The following RNASEH1 variants were observed in gnomAD, a reference collection of about 807,000 sequenced individuals.
The protein encoded by RNASEH1 is ribonuclease H type II.
RNASEH1 carries 27 observed loss-of-function variants against 34.6 expected under a neutral mutation model. That is an observed-to-expected ratio of 0.78 (90% CI 0.58 to 1.08). RNASEH1 has a LOEUF of 1.08. Among genes scored for constraint, RNASEH1 ranks in the 50% least tolerant of loss-of-function variants. The pLI, the probability that RNASEH1 is intolerant of heterozygous loss-of-function variation, is 0.00. For synonymous variants in RNASEH1, 162 were observed against 138.4 expected (o/e 1.17, Z -1.20); for missense variants, 349 against 373.6 (o/e 0.93, Z 0.54).
chr2:3,552,506 C>A (rs1472148548), intron 2 of RNASEH1, among the ~76,000 whole-genome samples, 198 bp from the exon 3 acceptor site: 2 of 128,142 alleles, frequency 1.6e-5, no homozygotes, highest in African/African-American at 6.7e-5. Context: ...ATCTCCACCC[C>A]CTCCACACCA....
chr2:3,545,078 G>C lies in RNASEH1; in HGVS notation c.*707C>G, dbSNP rs1668615529. The C allele has an allele frequency of 6.8e-6, 1 of 147,452 alleles. No individual in the cohort carries two copies. The highest frequency in any genetic ancestry group is 6.9e-5 in the Admixed American group (1 of 14,420). 9.1% of individuals were successfully genotyped at this position (147,452 alleles called of 1,614,324 possible). A position where few individuals can be genotyped will look rare whatever the true frequency, so the allele number is the denominator to read the frequency against. Reference sequence around the variant, plus strand: ...AAGTGAGCCACTGTGCCCAGCCGGTGTCTTACTTTTTTTTTTTTTTTTTTA... The same window carrying C: ...AAGTGAGCCACTGTGCCCAGCCGGTCTCTTACTTTTTTTTTTTTTTTTTTA... On this transcript the variant is annotated 3_prime_UTR_variant, in exon 8 of 8. Transcript: ENST00000315212.
the RNASEH1 span, among the ~76,000 whole-genome samples, chr2:3,535,559 T>C: frequency 1.3e-5 from 2 of 151,872 alleles, no homozygotes; most frequent in African/African-American, 4.8e-5. Flanking sequence ...GCAAAGCCCC[T>C]GAGGCAGGAG....
rs758512883 is a variant in RNASEH1, at chr2:3,558,099, G to A, written c.128+34C>T. 2.9e-4 allele frequency: 454 copies of A among 1,565,900 alleles called. 1 individual carries two copies. Among genetic ancestry groups the A allele is most frequent in the Non-Finnish European group, 3.7e-4 (425 of 1,159,220 alleles). ...TCCGGCCTCCCTCGACCCCGATGCC[G>A]GCAGGGAGGCGCCTCGGCGGGCGGG... On this transcript the variant is annotated intron_variant, in intron 1 of 7. Coordinates refer to ENST00000315212, the MANE Select transcript of RNASEH1 (RefSeq NM_002936.6).
rs138292342 is a variant in RNASEH1, at chr2:3,552,267, T to A, written c.286A>T (p.Ser96Cys). 1,334 of 1,614,144 alleles carry A rather than the reference T, an allele frequency of 8.3e-4. 1 individual carries two copies. Among genetic ancestry groups the A allele is most frequent in the Middle Eastern group, 3.0e-3 (18 of 6,038 alleles). ...TCCAGTGGCTCACGGAGTCGCTTGCTGGCTTTCGCCTCCGATTCTTGTCCA... is the reference window on the plus strand; with the variant it reads ...TCCAGTGGCTCACGGAGTCGCTTGCAGGCTTTCGCCTCCGATTCTTGTCCA... Reference protein sequence around the residue: ...QHGQESEAKASKRLREPLDGD... With the variant: ...QHGQESEAKACKRLREPLDGD... The change falls in exon 3 of 8, where the codon AGC becomes TGC. Residue 96 changes from serine (S) to cysteine (C), a missense_variant. Physicochemically the swap from Ser to Cys is moderately radical, Grantham distance 112 (BLOSUM62 -1). This residue lies in a region of RNASEH1 where 256 missense variants were observed against 240.7 expected (regional missense o/e 1.06). Transcript: ENST00000315212.
At position 3,552,378 on chromosome 2, in the gene RNASEH1, A is replaced by T. The variant is rs974157841; in HGVS notation, c.245-70T>A. The T allele has an allele frequency of 2.1e-6, 3 of 1,425,440 alleles. No individual in the cohort carries two copies. In the African/African-American group the frequency reaches 4.3e-5, roughly 20 times the overall value. The allele number at this position is 1,425,440 out of a possible 1,614,324, so 88.3% of individuals were successfully genotyped here. The stretch of plus-strand genomic sequence containing the variant: ...ACACGAAATGCTAGAGAATGAAGAC[A>T]TTCAGTAAATTATTTAGTATCATTA... On this transcript the variant is annotated intron_variant, in intron 2 of 7. Transcript: ENST00000315212.
Position 3,542,399 on chromosome 2 carries a change from T to C in RNASEH1, c.*3386A>G, listed in dbSNP as rs1668377413. ...AAAACAAGATTCATCAGGCTTTTCA[T>C]GCATCACTTTATGCTGGAAGAAAAC... On this transcript the variant is annotated 3_prime_UTR_variant, in exon 8 of 8. Coordinates refer to ENST00000315212, the MANE Select transcript of RNASEH1 (RefSeq NM_002936.6). 6.6e-6 allele frequency among the ~76,000 whole-genome samples: 1 copy of C among 152,250 alleles called. No homozygotes were observed. Among genetic ancestry groups the C allele is most frequent in the Non-Finnish European group, 1.5e-5 (1 of 68,046 alleles).
the RNASEH1 span, chr2:3,532,277 C>T: frequency 1.4e-6 from 1 of 702,258 alleles, no homozygotes; most frequent in South Asian, 1.5e-5. Flanking sequence ...TCCCGTTTGA[C>T]AAAGAAACAG....
chr2:3,546,146 A>G (rs559517950), intron 7 of RNASEH1, among the ~76,000 whole-genome samples: 3 of 152,356 alleles, frequency 2.0e-5, no homozygotes, highest in Non-Finnish European at 4.4e-5. Flanking sequence ...ATGGGACTTG[A>G]TAAGCTTTCC....
Position 3,552,265 on chromosome 2 carries a change from G to A in RNASEH1, c.288C>T (p.Ser96=), listed in dbSNP as rs146794938. 5.8e-4 allele frequency: 940 copies of A among 1,613,944 alleles called. 6 individuals are homozygous for A. In the African/African-American group the frequency reaches 0.01, roughly 17 times the overall value. The change falls in exon 3 of 8, where the codon AGC becomes AGT. Residue 96 remains serine (S), a synonymous_variant. Coordinates refer to ENST00000315212, the MANE Select transcript of RNASEH1 (RefSeq NM_002936.6). ...QHGQESEAKA[S]KRLREPLDGD... Reference sequence around the variant, plus strand: ...CATCCAGTGGCTCACGGAGTCGCTTGCTGGCTTTCGCCTCCGATTCTTGTC... The same window carrying A: ...CATCCAGTGGCTCACGGAGTCGCTTACTGGCTTTCGCCTCCGATTCTTGTC...
At position 3,542,704 on chromosome 2, in the gene RNASEH1, A is replaced by C. The variant is rs114402718; in HGVS notation, c.*3081T>G. Among the ~76,000 whole-genome samples, 13,270 of 152,218 alleles carry C rather than the reference A, an allele frequency of 0.087. 629 individuals are homozygous for C. Among genetic ancestry groups the C allele is most frequent in the Non-Finnish European group, 0.1 (6,937 of 68,002 alleles). ...TAAAGAGGAATAAAACAAGTGAGTG[A>C]TTAAGGGATGGATATTCCATGCCAT... On this transcript the variant is annotated 3_prime_UTR_variant, in exon 8 of 8. Coordinates refer to ENST00000315212, the MANE Select transcript of RNASEH1 (RefSeq NM_002936.6).
At chr2:3,538,168 G>A (rs890463375), downstream of RNASEH1, among the ~76,000 whole-genome samples, 8 of 151,790 alleles carry the variant, frequency 5.3e-5, no homozygotes, top group Non-Finnish European at 8.8e-5. Context: ...GGCCAACATG[G>A]TGAAACCCTG....
the RNASEH1 span, chr2:3,532,399 C>T: frequency 4.4e-5 from 31 of 701,054 alleles, no homozygotes; most frequent in African/African-American, 5.4e-4. Flanking sequence ...TTATTTCAGT[C>T]ACTCACTGAA....
At chr2:3,553,693 A>G (rs561843220) in intron 2 of RNASEH1, among the ~76,000 whole-genome samples, 34 of 152,284 alleles carry the variant, frequency 2.2e-4, no homozygotes, top group South Asian at 6.2e-4. Flanking sequence ...CCCGGCCCCA[A>G]AGAGATTCTT....
At chr2:3,550,192 C>T (rs1182914655) in intron 4 of RNASEH1, 181 bp downstream of exon 4, 1 of 573,490 alleles carries the variant, frequency 1.7e-6, no homozygotes, top group East Asian at 3.0e-5. Context: ...GCTGAGGTAC[C>T]TCACGTTCTG....
At chr2:3,533,813 C>T in the RNASEH1 span, 6 of 152,342 alleles carry the variant, frequency 3.9e-5, no homozygotes, top group Non-Finnish European at 7.3e-5. Flanking sequence ...ATGCAGGGTC[C>T]GTGAATGACG....
chr2:3,536,594 C>G (rs751769065), downstream of RNASEH1: 1 of 152,442 alleles, frequency 6.6e-6, no homozygotes, highest in African/African-American at 2.4e-5. Context: ...CCCACCCATC[C>G]CTGTACTCGG....
rs766109237 is a variant in RNASEH1, at chr2:3,558,257, T to C, written c.4A>G (p.Ser2Gly). M[S>G]WLLFLAHRVA... is the part of the protein sequence containing the mutation. The stretch of plus-strand genomic sequence containing the variant: ...CTGTGGGCCAGGAACAGAAGCCAGC[T>C]CATCGCTCACTCCCGGCACCGGGAA... Residue 2 changes from serine (S) to glycine (G), a missense_variant, in exon 1 of 8, where the codon AGC (serine) becomes GGC (glycine). Physicochemically the swap from Ser to Gly is moderately conservative, Grantham distance 56. Transcript: ENST00000315212. The C allele has an allele frequency of 5.7e-6, 9 of 1,583,836 alleles. No individual in the cohort carries two copies. Among genetic ancestry groups the C allele is most frequent in the Non-Finnish European group, 7.7e-6 (9 of 1,169,110 alleles).
Position 3,548,730 on chromosome 2 carries a change from AAAGAC to A in RNASEH1, c.565-11_565-7del, listed in dbSNP as rs1225851314. ...TCAATGGCTTTGCAGGCTGCCTTGA[AAAGAC>A]AAGTCGATAGTCATGCTACAGAAAA... On this transcript the variant is annotated splice_polypyrimidine_tract_variant and splice_region_variant and intron_variant, in intron 5 of 7. Coordinates refer to ENST00000315212, the MANE Select transcript of RNASEH1 (RefSeq NM_002936.6). The A allele has an allele frequency of 6.2e-7, 1 of 1,606,930 alleles. No individual in the cohort carries two copies. Among genetic ancestry groups the A allele is most frequent in the South Asian group, 1.1e-5 (1 of 90,774 alleles).
chr2:3,548,539 T>C (rs1421171163), intron 6 of RNASEH1, 101 bp downstream of exon 6: 4 of 715,668 alleles, frequency 5.6e-6, no homozygotes, highest in East Asian at 5.1e-5. Flanking sequence ...ACCAATGTCA[T>C]CCCCCCGTTC....
Sources: gnomAD v4.1 joint callset for allele counts (sites outside exome capture counted in the v4.1 genomes callset) on GRCh38, gnomAD v4.1.1 for gene constraint, gnomAD v4.1.1 regional missense constraint, MANE v1.5 for transcripts, NCBI Gene and HGNC (gene_info 2026-07-23, HGNC 2026-07-21) for gene names.